Variants in PCDH15 observed in about 807,000 individuals in gnomAD.
PCDH15 encodes the protein protocadherin related 15.
PCDH15 carries 129 observed loss-of-function variants against 178.5 expected under a neutral mutation model. That is an observed-to-expected ratio of 0.72 (90% CI 0.63 to 0.84). The LOEUF (loss-of-function observed/expected upper bound fraction) is 0.84. Ranked by LOEUF, PCDH15 falls within the 40% of genes least tolerant of loss-of-function variation. PCDH15 has a pLI of 0.00. For missense variants in PCDH15, 2,230 were observed against 2,099.9 expected, an observed-to-expected ratio of 1.06 and a Z score of -1.21; for synonymous variants, 800 against 732.0, an observed-to-expected ratio of 1.09 and a Z score of -1.50.
chr10:54,434,276 T>C (rs78286261), intron 3 of PCDH15, among the ~76,000 whole-genome samples: 3,146 of 152,258 alleles, frequency 0.021, 102 homozygotes, highest in African/African-American at 0.072. Context: ...TGTGATGAAG[T>C]GTACAGTGTT....
intron 1 of PCDH15, among the ~76,000 whole-genome samples, chr10:54,678,650 T>A (rs1319292283): frequency 2.6e-5 from 4 of 152,192 alleles, no homozygotes; most frequent in African/African-American, 9.6e-5. Context: ...ATTAAAAATA[T>A]GCCTTTCCAA....
At chr10:54,770,148 A>G (rs1312886644) in intron 1 of PCDH15, among the ~76,000 whole-genome samples, 1 of 152,158 alleles carries the variant, frequency 6.6e-6, no homozygotes, top group African/African-American at 2.4e-5. Flanking sequence ...GAGCTGCTCT[A>G]AGGCATAGAA....
At chr10:54,201,891 G>T (rs894725433) in intron 10 of PCDH15, among the ~76,000 whole-genome samples, 2 of 152,266 alleles carry the variant, frequency 1.3e-5, no homozygotes, top group Admixed American at 6.5e-5. Flanking sequence ...AATTAATACT[G>T]ATGCACATTC....
intron 9 of PCDH15, among the ~76,000 whole-genome samples, chr10:54,227,131 GC>G (rs2053543684): frequency 6.6e-6 from 1 of 152,200 alleles, no homozygotes; most frequent in African/African-American, 2.4e-5. Flanking sequence ...ACTAGGTGGT[GC>G]CCCAGTAGGG....
intron 6 of PCDH15, among the ~76,000 whole-genome samples, chr10:54,338,083 A>T (rs1202957880): frequency 6.6e-6 from 1 of 152,250 alleles, no homozygotes; most frequent in Non-Finnish European, 1.5e-5. Context: ...ATTACAATGC[A>T]GTTCAACTTA....
chr10:54,143,441 T>C (rs12264591), intron 14 of PCDH15, among the ~76,000 whole-genome samples: 2,346 of 152,250 alleles, frequency 0.015, 74 homozygotes, highest in African/African-American at 0.054. Flanking sequence ...AGCTACAGTC[T>C]AGGGATTGCT....
At chr10:53,870,325 T>A (rs1443007801) in intron 26 of PCDH15, among the ~76,000 whole-genome samples, 1 of 152,200 alleles carries the variant, frequency 6.6e-6, no homozygotes, top group African/African-American at 2.4e-5. Flanking sequence ...TGATTTTTCA[T>A]ATAAATGCCT....
chr10:54,289,329 A>C (rs2059243577), intron 8 of PCDH15, among the ~76,000 whole-genome samples: 1 of 152,226 alleles, frequency 6.6e-6, no homozygotes, highest in Non-Finnish European at 1.5e-5. Flanking sequence ...ACATCAACAA[A>C]GCAGAAAGGA....
intron 13 of PCDH15, among the ~76,000 whole-genome samples, chr10:54,169,265 C>A (rs1237029657): frequency 1.7e-5 from 1 of 59,222 alleles, no homozygotes; most frequent in Non-Finnish European, 3.7e-5. Flanking sequence ...CCTAGACAAT[C>A]ACGGACGCCG....
chr10:54,557,077 G>T (rs1316482086), intron 2 of PCDH15, among the ~76,000 whole-genome samples: 1 of 152,104 alleles, frequency 6.6e-6, no homozygotes, highest in Non-Finnish European at 1.5e-5. Flanking sequence ...CATAGACTCA[G>T]TGGCAAAAGG....
At chr10:54,789,092 T>TAA (rs1951155527) in intron 1 of PCDH15, among the ~76,000 whole-genome samples, 1 of 151,896 alleles carries the variant, frequency 6.6e-6, no homozygotes, top group African/African-American at 2.4e-5. Context: ...TAAGTACGTC[T>TAA]AATATAGTGA....
At chr10:55,465,093 A>G (rs1009809370) in intron 2 of PCDH15, among the ~76,000 whole-genome samples, 1 of 152,084 alleles carries the variant, frequency 6.6e-6, no homozygotes, top group African/African-American at 2.4e-5. Context: ...AAGCTGGTGT[A>G]TGAGTATTCT....
intron 8 of PCDH15, among the ~76,000 whole-genome samples, chr10:54,297,786 G>A (rs755917879): frequency 6.6e-6 from 1 of 152,162 alleles, no homozygotes. Flanking sequence ...ATCCTGATAG[G>A]TATATAGGTG....
intron 2 of PCDH15, among the ~76,000 whole-genome samples, chr10:54,923,674 G>C (rs531408134): frequency 7.2e-6 from 1 of 138,114 alleles, no homozygotes; most frequent in African/African-American, 2.5e-5. Flanking sequence ...CTAAAGCAAA[G>C]CTACAATGCC....
At chr10:54,130,602 G>A (rs1015741888) in intron 15 of PCDH15, among the ~76,000 whole-genome samples, 1 of 152,148 alleles carries the variant, frequency 6.6e-6, no homozygotes, top group Non-Finnish European at 1.5e-5. Flanking sequence ...TACCATAAAA[G>A]GCCCGTTCTT....
chr10:54,316,732 C>A (rs1233395288), intron 8 of PCDH15, among the ~76,000 whole-genome samples: 1 of 152,102 alleles, frequency 6.6e-6, no homozygotes, highest in Non-Finnish European at 1.5e-5. Flanking sequence ...TAGCATTTAT[C>A]AAAAATACAG....
rs573170521 is a variant in PCDH15, at chr10:54,903,262, G to T, written c.-79-5762C>A. On this transcript the variant is annotated intron_variant, in intron 2 of 5. Transcript: ENST00000458638. ...ACATCACTAAACAATTGAATATATG[G>T]CTTTTTTGAACATACAATTTCAAAT... Among the ~76,000 whole-genome samples the T allele has an allele frequency of 8.7e-4, 117 of 133,856 alleles. 1 individual carries two copies. The East Asian group carries it at 0.02, about 23-fold the overall frequency. The allele number at this position is 133,856 out of a possible 152,430, so 87.8% of individuals were successfully genotyped here.
At chr10:54,102,266 A>C (rs1176670032) in intron 15 of PCDH15, among the ~76,000 whole-genome samples, 1 of 152,212 alleles carries the variant, frequency 6.6e-6, no homozygotes, top group Non-Finnish European at 1.5e-5. Flanking sequence ...GGCAGGCCAC[A>C]CAATTTCTTA....
chr10:55,015,704 G>T (rs1164645693), intron 2 of PCDH15, among the ~76,000 whole-genome samples: 1 of 152,142 alleles, frequency 6.6e-6, no homozygotes, highest in Non-Finnish European at 1.5e-5. Flanking sequence ...GGAAACCACA[G>T]GAGAAGGTTG....
Sources: gnomAD v4.1 joint callset for allele counts (sites outside exome capture counted in the v4.1 genomes callset) on GRCh38, gnomAD v4.1.1 for gene constraint, MANE v1.5 for transcripts, NCBI Gene and HGNC (gene_info 2026-07-23, HGNC 2026-07-21) for gene names.